The following GREB1 variants were observed in gnomAD, a reference collection of about 807,000 sequenced individuals.
GREB1 encodes the protein protein GREB1.
A neutral mutation model predicts 200.7 loss-of-function variants in GREB1; 106 were observed. That is an observed-to-expected ratio of 0.53 (90% CI 0.45 to 0.62). The LOEUF (loss-of-function observed/expected upper bound fraction) is 0.62. GREB1 is among the 20% of genes least tolerant of loss of function. GREB1 has a pLI of 0.00. For synonymous variants in GREB1, 1,132 were observed against 1,092.4 expected (o/e 1.04, Z -0.72); for missense variants, 2,243 against 2,556.8 (o/e 0.88, Z 2.65).
intron 10 of GREB1, among the ~76,000 whole-genome samples, chr2:11,590,748 C>T (rs1680646635): frequency 1.3e-5 from 2 of 152,138 alleles, no homozygotes; most frequent in Admixed American, 6.5e-5. Context: ...AGTCCTTTTC[C>T]CGATGTCCCA....
intron 10 of GREB1, chr2:11,592,017 G>A (rs759877959): frequency 2.0e-6 from 2 of 983,270 alleles, no homozygotes; most frequent in Non-Finnish European, 2.4e-6. Context: ...CCTGGAGTAG[G>A]AGAAAGCCTA....
At chr2:11,557,177 T>G (rs922345610) in intron 2 of GREB1, among the ~76,000 whole-genome samples, 1 of 151,568 alleles carries the variant, frequency 6.6e-6, no homozygotes. Context: ...GTATGAGAAC[T>G]CTCAGAAACT....
chr2:11,576,210 A>C (rs1384493424), intron 4 of GREB1, 143 bp from the exon 5 acceptor site: 3 of 657,606 alleles, frequency 4.6e-6, no homozygotes, highest in Non-Finnish European at 7.9e-6. Context: ...AGGAGGCTGA[A>C]GCAGGAGAAT....
intron 9 of GREB1, among the ~76,000 whole-genome samples, chr2:11,587,096 TAG>T (rs1007507616): frequency 6.6e-6 from 1 of 152,162 alleles, no homozygotes; most frequent in Non-Finnish European, 1.5e-5. Flanking sequence ...AATCTCAGAA[TAG>T]AGACTGTCCT....
chr2:11,571,312 G>C (rs762935055), intron 4 of GREB1, among the ~76,000 whole-genome samples: 1 of 152,130 alleles, frequency 6.6e-6, no homozygotes. Context: ...TAGAGTTGCT[G>C]TTCAGGCCCA....
chr2:11,578,413 A>G lies in GREB1; in HGVS notation c.754A>G (p.Met252Val). The change falls in exon 6 of 33, where the codon ATG (methionine) becomes GTG (valine). Residue 252 changes from methionine to valine, a missense_variant. This residue lies in a region of GREB1 where 1,178 missense variants were observed against 1,387.4 expected (regional missense o/e 0.85). Transcript: ENST00000381486. ...PVPGTNPSIL[M>V]GAQQAGPASD... is the part of the protein sequence containing the mutation. ...TCCTGGGACGAACCCCAGCATCCTG[A>G]TGGGAGCTCAGCAGGCAGGTGAGGT... 1 of 1,613,858 alleles carries G rather than the reference A, an allele frequency of 6.2e-7. No homozygotes were observed. Among genetic ancestry groups the G allele is most frequent in the Non-Finnish European group, 8.5e-7 (1 of 1,180,018 alleles).
chr2:11,636,314 T>C (rs1216393894), intron 30 of GREB1, among the ~76,000 whole-genome samples: 4 of 152,254 alleles, frequency 2.6e-5, no homozygotes, highest in Admixed American at 2.6e-4. Flanking sequence ...GGGCCAGATG[T>C]GGCTTTAAAA....
At chr2:11,588,617 CAGGGCACTCG>C in intron 9 of GREB1, 119 bp from the exon 10 acceptor site, 9 of 851,238 alleles carry the variant, frequency 1.1e-5, no homozygotes, top group Non-Finnish European at 1.8e-5. Context: ...CTTCCCAGGA[CAGGGCACTCG>C]AGGGACCTGG....
chr2:11,508,781 T>C (rs1673255475), intron 1 of GREB1, among the ~76,000 whole-genome samples: 1 of 152,160 alleles, frequency 6.6e-6, no homozygotes, highest in Non-Finnish European at 1.5e-5. Flanking sequence ...CCACCATTAT[T>C]GCCATTGCCT....
chr2:11,527,467 G>A (rs184987976), intron 1 of GREB1, among the ~76,000 whole-genome samples: 2 of 152,300 alleles, frequency 1.3e-5, no homozygotes, highest in Admixed American at 6.5e-5. Flanking sequence ...TAACATTTCA[G>A]TGCAACTTTG....
chr2:11,569,673 G>A (rs1192490422), intron 4 of GREB1, among the ~76,000 whole-genome samples: 2 of 152,238 alleles, frequency 1.3e-5, no homozygotes, highest in African/African-American at 4.8e-5. Flanking sequence ...ATTATCTAGA[G>A]TTATATACAG....
intron 4 of GREB1, among the ~76,000 whole-genome samples, chr2:11,573,057 G>A (rs1345751853): frequency 6.6e-6 from 1 of 152,170 alleles, no homozygotes; most frequent in African/African-American, 2.4e-5. Flanking sequence ...GGAAAGCAAA[G>A]CTCAGAGGTG....
At chr2:11,501,923 T>G (rs1209840464) in intron 1 of GREB1, among the ~76,000 whole-genome samples, 2 of 117,714 alleles carry the variant, frequency 1.7e-5, no homozygotes, top group East Asian at 5.0e-4. Flanking sequence ...TTTTTTTTTT[T>G]TTTTTTTTTT....
intron 3 of GREB1, 156 bp downstream of exon 3, chr2:11,562,738 C>G: frequency 1.2e-6 from 1 of 838,018 alleles, no homozygotes; most frequent in South Asian, 2.1e-5. Flanking sequence ...CCTGGGCCCG[C>G]AGCAGGTGCT....
chr2:11,553,592 G>A (rs969072988), intron 1 of GREB1, among the ~76,000 whole-genome samples: 1 of 149,084 alleles, frequency 6.7e-6, no homozygotes, highest in Non-Finnish European at 1.5e-5. Flanking sequence ...TTCAGCAAGC[G>A]TTTCTGCCGG....
chr2:11,611,655 C>T (rs902410953), intron 18 of GREB1, among the ~76,000 whole-genome samples: 4 of 152,126 alleles, frequency 2.6e-5, no homozygotes, highest in African/African-American at 9.7e-5. Flanking sequence ...CCACCCTCCC[C>T]CTCTGCCATG....
chr2:11,578,169 G>T, intron 5 of GREB1, 128 bp from the exon 6 acceptor site: 11 of 986,264 alleles, frequency 1.1e-5, no homozygotes, highest in Non-Finnish European at 1.5e-5. Context: ...AGACCAGGAT[G>T]TGGTGGCAGC....
rs529617459 is a variant in GREB1 at position 11,618,475 on chromosome 2, C to T, written c.3600C>T (p.Pro1200=). The T allele has an allele frequency of 1.3e-4, 212 of 1,607,876 alleles. 3 individuals carry two copies. The South Asian group carries it at 1.5e-3, about 11-fold the overall frequency. ...ACAGTCCCGGGCCGACGCCCCAGCC[C>T]GACTGTAGCCTCAGGACCGGCCAGA... The part of the protein sequence containing the change: ...SRHSPGPTPQ[P]DCSLRTGQRS... The change falls in exon 22 of 33, where the codon CCC becomes CCT. Residue 1200 remains proline, a synonymous_variant. Coordinates refer to ENST00000381486, the MANE Select transcript of GREB1 (RefSeq NM_014668.4).
chr2:11,553,998 GTTAT>G (rs1041101252), intron 1 of GREB1, among the ~76,000 whole-genome samples: 1 of 152,174 alleles, frequency 6.6e-6, no homozygotes, highest in Admixed American at 6.5e-5. Context: ...CATTTGGGAT[GTTAT>G]TCGTTGGTGG....
Sources: gnomAD v4.1 joint callset for allele counts (sites outside exome capture counted in the v4.1 genomes callset) on GRCh38, gnomAD v4.1.1 for gene constraint, gnomAD v4.1.1 regional missense constraint, MANE v1.5 for transcripts, NCBI Gene and HGNC (gene_info 2026-07-23, HGNC 2026-07-21) for gene names.